Variants in NOS3 observed in about 807,000 individuals in gnomAD.
The protein encoded by NOS3 is nitric oxide synthase 3.
Under a neutral mutation model 144.9 loss-of-function variants are expected in NOS3, and 98 were observed. The ratio of observed to expected loss-of-function variants is 0.68; its 90% CI spans 0.57 to 0.80. NOS3 has a LOEUF of 0.80. NOS3 is among the 30% of genes least tolerant of loss of function. NOS3 has a pLI of 0.00. For missense variants in NOS3, 1,465 were observed against 1,656.4 expected, an observed-to-expected ratio of 0.88 and a Z score of 2.01; for synonymous variants, 714 against 702.4, an observed-to-expected ratio of 1.02 and a Z score of -0.26.
At chr7:151,011,222 C>T (rs931518746) in intron 23 of NOS3, among the ~76,000 whole-genome samples, 9 of 152,010 alleles carry the variant, frequency 5.9e-5, no homozygotes, top group Admixed American at 3.9e-4. Flanking sequence ...GGGATCAAAC[C>T]GGCTGGCCCT....
chr7:150,996,631 C>T, intron 4 of NOS3, 79 bp downstream of exon 4: 1 of 1,510,514 alleles, frequency 6.6e-7, no homozygotes, highest in Admixed American at 1.8e-5. Flanking sequence ...CCCATGACCC[C>T]CTCCCTTCCC....
intron 11 of NOS3, 53 bp downstream of exon 11, chr7:151,001,478 G>A: frequency 6.2e-7 from 1 of 1,603,724 alleles, no homozygotes; most frequent in East Asian, 2.2e-5. Flanking sequence ...ATTCTAAGCA[G>A]CCCCTGGGGA....
chr7:150,998,922 C>A lies in NOS3; in HGVS notation c.817-24C>A. 2 of 1,599,320 alleles carry A rather than the reference C, an allele frequency of 1.3e-6. No homozygotes were observed. Among genetic ancestry groups the A allele is most frequent in the Non-Finnish European group, 1.7e-6 (2 of 1,174,324 alleles). ...GAGGGCATGAGGCTCAGCCCCAGAA[C>A]CCCCTCTGGCCCACTCCCCACAGCT... On this transcript the variant is annotated intron_variant, in intron 7 of 26. Transcript: ENST00000297494. This position sits in a 1 kb window ranked among gnomAD's most constrained non-coding sequence, Gnocchi z 5.0.
chr7:151,013,320 C>T lies in NOS3; in HGVS notation c.3196C>T (p.Gln1066Ter). The T allele has an allele frequency of 6.2e-7, 1 of 1,614,060 alleles. No individual in the cohort carries two copies. The highest frequency in any genetic ancestry group is 1.1e-5 in the South Asian group (1 of 91,086). Residue 1066 changes from glutamine to a stop codon, truncating the protein, a stop_gained, in exon 25 of 27, where the codon CAG becomes TAG. Coordinates refer to ENST00000297494, the MANE Select transcript of NOS3 (RefSeq NM_000603.5). LOFTEE classifies it high-confidence loss of function. ...CCGCGACGAGGTGCAGAACGCCCAG[C>T]AGCGCGGGGTGTTTGGCCGAGTCCT... Reference protein sequence around the residue: ...LYRDEVQNAQQRGVFGRVLTA... With the variant: ...LYRDEVQNAQ
intron 2 of NOS3, 112 bp downstream of exon 2, chr7:150,994,073 A>G (rs991008330): frequency 7.9e-6 from 9 of 1,135,414 alleles, no homozygotes; most frequent in African/African-American, 4.7e-5. Context: ...CCAGGTCACA[A>G]ATGCAAAAGG....
At chr7:151,012,224 T>G in intron 23 of NOS3, 127 bp from the exon 24 acceptor site, 3 of 841,432 alleles carry the variant, frequency 3.6e-6, no homozygotes, top group Non-Finnish European at 5.2e-6. Flanking sequence ...TTTTGTTTTT[T>G]GTTTTTTTTT....
Position 151,003,093 on chromosome 7 carries a change from G to A in NOS3, c.1752+789G>A. The A allele has an allele frequency of 2.3e-6, 1 of 432,000 alleles. No homozygotes were observed. Among genetic ancestry groups the A allele is most frequent in the Non-Finnish European group, 4.6e-6 (1 of 217,822 alleles). 26.8% of individuals were successfully genotyped at this position (432,000 alleles called of 1,614,324 possible). On this transcript the variant is annotated intron_variant, in intron 14 of 26. Transcript: ENST00000297494. The surrounding 1 kb of genome is among the most constrained non-coding windows in gnomAD (Gnocchi z 4.1). ...CTGCTCCAGCTTCTAGGTGTTAAAG[G>A]CCTTATTAGCACTAAGTACTTCCTC... is the stretch of plus-strand genomic sequence containing the variant.
chr7:151,013,208 C>A, intron 24 of NOS3, 23 bp from the exon 25 acceptor site: 1 of 1,603,044 alleles, frequency 6.2e-7, no homozygotes, highest in Non-Finnish European at 8.5e-7. Context: ...GAAGAGCCTT[C>A]CCAAGCGCGG....
intron 3 of NOS3, among the ~76,000 whole-genome samples, chr7:150,996,043 TG>T (rs1563211404): frequency 2.8e-3 from 1 of 360 alleles, no homozygotes; most frequent in Admixed American, 0.056. Flanking sequence ...CTCCTCCCTC[TG>T]CCCCTACCCC....
At chr7:151,013,141 C>A in intron 24 of NOS3, 90 bp from the exon 25 acceptor site, 1 of 1,433,586 alleles carries the variant, frequency 7.0e-7, no homozygotes, top group Non-Finnish European at 9.5e-7. Context: ...AAACGCTGGG[C>A]TGCCAGGCTG....
In NOS3 at chr7:150,999,925, T is replaced by C. The variant is rs111161473; in HGVS notation, c.1131+561T>C. ...GTGTGTGTGAGTTTGTAGGGGTAGGTGAGTGTGGGTTTGTGGGGTGTGTAG... is the reference window on the plus strand; with the variant it reads ...GTGTGTGTGAGTTTGTAGGGGTAGGCGAGTGTGGGTTTGTGGGGTGTGTAG... On this transcript the variant is annotated intron_variant, in intron 9 of 26. Transcript: ENST00000297494. Among the ~76,000 whole-genome samples the C allele has an allele frequency of 9.3e-3, 524 of 56,630 alleles. 13 individuals are homozygous for C. Among genetic ancestry groups the C allele is most frequent in the Non-Finnish European group, 0.014 (385 of 28,350 alleles). 37.2% of individuals were successfully genotyped at this position (56,630 alleles called of 152,430 possible).
Position 151,012,452 on chromosome 7 carries a change from T to C in NOS3, c.3086T>C (p.Leu1029Pro), listed in dbSNP as rs1288950722. ...TTCCGGGGATTCTGGCAGGAGCGGCTGCATGACATTGAGAGCAAAGGTGAG... is the reference window on the plus strand; with the variant it reads ...TTCCGGGGATTCTGGCAGGAGCGGCCGCATGACATTGAGAGCAAAGGTGAG... Reference protein sequence around the residue: ...APFRGFWQERLHDIESKGLQP... With the variant: ...APFRGFWQERPHDIESKGLQP... The change falls in exon 24 of 27, where the codon CTG becomes CCG. Residue 1029 changes from leucine (L) to proline (P), a missense_variant. By Grantham distance (98) the Leu-to-Pro change is moderately conservative. Coordinates refer to ENST00000297494, the MANE Select transcript of NOS3 (RefSeq NM_000603.5). 2 of 1,611,852 alleles carry C rather than the reference T, an allele frequency of 1.2e-6. No homozygotes were observed. Among genetic ancestry groups the C allele is most frequent in the Non-Finnish European group, 1.7e-6 (2 of 1,179,328 alleles).
intron 24 of NOS3, 192 bp downstream of exon 24, chr7:151,012,664 G>C (rs1795331652): frequency 3.4e-6 from 2 of 592,842 alleles, no homozygotes; most frequent in Admixed American, 3.0e-5. Flanking sequence ...TGGCTTCCTG[G>C]TGCCTGGTAC....
At chr7:151,001,087 C>T (rs1418606575) in intron 10 of NOS3, 144 bp from the exon 11 acceptor site, 2 of 755,402 alleles carry the variant, frequency 2.6e-6, no homozygotes, top group South Asian at 1.6e-5. Context: ...GTGAGGGTGA[C>T]ATTGTGGTTT....
chr7:151,011,497 C>T (rs1471373682), intron 23 of NOS3, among the ~76,000 whole-genome samples: 2 of 147,018 alleles, frequency 1.4e-5, no homozygotes, highest in African/African-American at 2.5e-5. Flanking sequence ...CTGCAACCTC[C>T]GCCTCCCGGG....
In NOS3 at chr7:151,003,201, C is replaced by T; in HGVS notation, c.1752+897C>T. On this transcript the variant is annotated intron_variant, in intron 14 of 26. Coordinates refer to ENST00000297494, the MANE Select transcript of NOS3 (RefSeq NM_000603.5). The surrounding 1 kb of genome is among the most constrained non-coding windows in gnomAD (Gnocchi z 4.1). ...AGTGCAGTAGTACAATCACGGCTCA[C>T]TGCAGCCTCAACCTCCTAGACTCAA... The T allele has an allele frequency of 2.2e-6, 1 of 453,372 alleles. No homozygotes were observed. Among genetic ancestry groups the T allele is most frequent in the Admixed American group, 2.4e-5 (1 of 42,442 alleles). The allele number at this position is 453,372 out of a possible 1,614,324, so 28.1% of individuals were successfully genotyped here. A position where few individuals can be genotyped will look rare whatever the true frequency, so the allele number is the denominator to read the frequency against.
At chr7:150,999,451 C>T (rs985356411) in intron 9 of NOS3, 87 bp downstream of exon 9, 24 of 1,390,400 alleles carry the variant, frequency 1.7e-5, no homozygotes, top group South Asian at 4.2e-5. Flanking sequence ...ATGCCAGCCA[C>T]GGGGACAATC....
At chr7:151,006,130 T>TAA (rs3918190) in intron 14 of NOS3, among the ~76,000 whole-genome samples, 26 of 151,512 alleles carry the variant, frequency 1.7e-4, no homozygotes, top group African/African-American at 6.3e-4. Flanking sequence ...CACTTTTACT[T>TAA]AAAAAAAAAC....
Position 151,009,177 on chromosome 7 carries a change from C to A in NOS3, c.2246-12C>A. On this transcript the variant is annotated splice_polypyrimidine_tract_variant and intron_variant, in intron 18 of 26. Coordinates refer to ENST00000297494, the MANE Select transcript of NOS3 (RefSeq NM_000603.5). The stretch of plus-strand genomic sequence containing the variant: ...AGCTCAGGCTGCCTCATTTGCCCCT[C>A]CCCGCCCCCAGGTCTGATCCACGTG... 1 of 1,613,856 alleles carries A rather than the reference C, an allele frequency of 6.2e-7. No homozygotes were observed. Among genetic ancestry groups the A allele is most frequent in the Non-Finnish European group, 8.5e-7 (1 of 1,179,808 alleles).
Sources: gnomAD v4.1 joint callset for allele counts (sites outside exome capture counted in the v4.1 genomes callset) on GRCh38, gnomAD v4.1.1 for gene constraint, Gnocchi (gnomAD v3.1) non-coding constraint, MANE v1.5 for transcripts, NCBI Gene and HGNC (gene_info 2026-07-23, HGNC 2026-07-21) for gene names.